Variants in CEACAM21 observed in about 807,000 individuals in gnomAD.
CEACAM21 encodes the protein cell adhesion molecule CEACAM21.
Under a neutral mutation model 33.2 loss-of-function variants are expected in CEACAM21, and 38 were observed. The observed-to-expected ratio is 1.14, with a 90% confidence interval of 0.88 to 1.50. The LOEUF is 1.50. CEACAM21 is among the 40% of genes most tolerant of loss of function. CEACAM21 has a pLI of 0.00. For missense variants in CEACAM21, 385 were observed against 364.6 expected, an observed-to-expected ratio of 1.06 and a Z score of -0.46; for synonymous variants, 156 against 143.0, an observed-to-expected ratio of 1.09 and a Z score of -0.65.
chr19:41,584,410 TTG>T lies in CEACAM21; in HGVS notation c.770_771del (p.Cys257PhefsTer15), dbSNP rs1305173750. 5.6e-6 allele frequency: 9 copies of T among 1,610,294 alleles called. No individual in the cohort carries two copies. Among genetic ancestry groups the T allele is most frequent in the Non-Finnish European group, 6.8e-6 (8 of 1,178,086 alleles). ...GTTGGGAGTCTTCTGGTGGCTGCAC[TTG>T]TGTGTTTCCTGCTCCTCCGAAAAAC... is the stretch of plus-strand genomic sequence containing the variant. On this transcript the variant is annotated frameshift_variant, in exon 4 of 7. Coordinates refer to ENST00000401445, the MANE Select transcript of CEACAM21 (RefSeq NM_001098506.4). LOFTEE classifies it high-confidence loss of function.
chr19:41,552,823 CAT>C (rs1555784706), intron 1 of CEACAM21, among the ~76,000 whole-genome samples: 2 of 152,126 alleles, frequency 1.3e-5, no homozygotes, highest in Non-Finnish European at 1.5e-5. Flanking sequence ...AACAGCAACA[CAT>C]ATAAATAGGT....
intron 1 of CEACAM21, among the ~76,000 whole-genome samples, chr19:41,563,451 G>T (rs2042032138): frequency 6.6e-6 from 1 of 152,214 alleles, no homozygotes. Context: ...GAGGCACTCT[G>T]TAACCCCATC....
At chr19:41,554,794 A>G (rs553976614) in intron 1 of CEACAM21, among the ~76,000 whole-genome samples, 1 of 152,198 alleles carries the variant, frequency 6.6e-6, no homozygotes, top group African/African-American at 2.4e-5. Context: ...TCAATGCTCA[A>G]TTTACAGAAA....
chr19:41,570,847 G>A (rs1568596565), intron 2 of CEACAM21, among the ~76,000 whole-genome samples: 1 of 152,192 alleles, frequency 6.6e-6, no homozygotes, highest in Non-Finnish European at 1.5e-5. Context: ...GAGACCAGGA[G>A]AGCGGAGATC....
At chr19:41,557,537 A>T (rs1411434583) in intron 1 of CEACAM21, among the ~76,000 whole-genome samples, 1 of 152,162 alleles carries the variant, frequency 6.6e-6, no homozygotes, top group Non-Finnish European at 1.5e-5. Context: ...AACGCTGTCA[A>T]TCGACAGCTT....
intron 1 of CEACAM21, among the ~76,000 whole-genome samples, chr19:41,557,198 G>A (rs2041586674): frequency 6.6e-6 from 1 of 152,142 alleles, no homozygotes; most frequent in Admixed American, 6.6e-5. Context: ...CCAGAATTCG[G>A]CTAAGATAGC....
At chr19:41,565,740 A>T (rs1485170277) in intron 2 of CEACAM21, 1 of 152,088 alleles carries the variant, frequency 6.6e-6, no homozygotes, top group Non-Finnish European at 1.5e-5. Context: ...ATTATCAACC[A>T]CTTGACTGTA....
chr19:41,566,421 A>G (rs1479276658), intron 2 of CEACAM21, among the ~76,000 whole-genome samples: 2 of 152,240 alleles, frequency 1.3e-5, no homozygotes, highest in Non-Finnish European at 2.9e-5. Flanking sequence ...CTAAAAACCT[A>G]TTGAGATAAT....
chr19:41,576,844 T>C (rs536252024), intron 1 of CEACAM21, among the ~76,000 whole-genome samples: 2 of 152,058 alleles, frequency 1.3e-5, no homozygotes, highest in African/African-American at 2.4e-5. Flanking sequence ...TGAGGTCAGG[T>C]GCTGACAAGA....
intron 1 of CEACAM21, among the ~76,000 whole-genome samples, chr19:41,561,351 A>C (rs2041870159): frequency 6.6e-6 from 1 of 151,986 alleles, no homozygotes. Context: ...AAAGACTTTC[A>C]CATGCAAGGC....
chr19:41,561,316 A>T (rs1317676637), intron 1 of CEACAM21, among the ~76,000 whole-genome samples: 3 of 152,180 alleles, frequency 2.0e-5, no homozygotes, highest in African/African-American at 7.2e-5. Context: ...CAATTAAAAA[A>T]AATTTGTAAT....
In CEACAM21 at chr19:41,579,369, C is replaced by T. The variant is rs201303530; in HGVS notation, c.441C>T (p.Pro147=). 2.6e-4 allele frequency: 424 copies of T among 1,613,958 alleles called. 1 individual carries two copies. The African/African-American group carries it at 5.0e-3, about 19-fold the overall frequency. The change falls in exon 3 of 7, where the codon CCC becomes CCT. Residue 147 remains proline, a synonymous_variant. Transcript: ENST00000401445. ...TATCCACAGAGTCAGTGGCTCAGCC[C>T]TCCATCCAAGCCAGCAGCACCACAG... is the stretch of plus-strand genomic sequence containing the variant. ...HLRVYESVAQ[P]SIQASSTTVT...
intron 1 of CEACAM21, 49 bp downstream of exon 1, chr19:41,576,387 C>A: frequency 6.3e-7 from 1 of 1,580,436 alleles, no homozygotes; most frequent in Non-Finnish European, 8.6e-7. Context: ...AGCACAGAGA[C>A]TGGCTGGGGT....
At chr19:41,556,985 A>G (rs1286022464) in intron 1 of CEACAM21, among the ~76,000 whole-genome samples, 9 of 152,242 alleles carry the variant, frequency 5.9e-5, no homozygotes, top group African/African-American at 2.2e-4. Context: ...TTCTAATTTA[A>G]CAGATCCATC....
intron 1 of CEACAM21, among the ~76,000 whole-genome samples, chr19:41,558,215 A>G (rs1472827694): frequency 3.9e-5 from 6 of 152,256 alleles, no homozygotes; most frequent in Admixed American, 3.9e-4. Flanking sequence ...TGAGATCTAC[A>G]TAGCATTTAA....
intron 2 of CEACAM21, among the ~76,000 whole-genome samples, chr19:41,567,031 T>C (rs1427207387): frequency 6.6e-6 from 1 of 151,966 alleles, no homozygotes; most frequent in Non-Finnish European, 1.5e-5. Context: ...AATCAATTTA[T>C]ATTTTCATAT....
chr19:41,578,208 T>C (rs2043097904), intron 2 of CEACAM21, among the ~76,000 whole-genome samples: 1 of 151,808 alleles, frequency 6.6e-6, no homozygotes. Flanking sequence ...ACTTAAAAGA[T>C]GTCCCGGGAA....
chr19:41,556,784 G>A (rs2041560252), intron 1 of CEACAM21, among the ~76,000 whole-genome samples: 1 of 152,134 alleles, frequency 6.6e-6, no homozygotes, highest in South Asian at 2.1e-4. Flanking sequence ...TTGAAAGCAG[G>A]CAGTATGAAC....
At chr19:41,580,408 C>T (rs1230515449) in intron 3 of CEACAM21, among the ~76,000 whole-genome samples, 1 of 152,152 alleles carries the variant, frequency 6.6e-6, no homozygotes, top group Non-Finnish European at 1.5e-5. Flanking sequence ...TCTACCTGGA[C>T]ATATCAGCAG....
Sources: allele counts gnomAD v4.1 joint callset (sites outside exome capture counted in the v4.1 genomes callset), GRCh38; gene constraint gnomAD v4.1.1; transcripts MANE v1.5; gene names NCBI Gene and HGNC (gene_info 2026-07-23, HGNC 2026-07-21).